UBR2: variants seen among roughly 807,000 people sequenced by gnomAD.
The protein encoded by UBR2 is E3 ubiquitin-protein ligase UBR2.
UBR2 carries 92 observed loss-of-function variants against 247.9 expected under a neutral mutation model. The observed-to-expected ratio is 0.37, with a 90% CI of 0.31 to 0.44. UBR2 has a LOEUF of 0.44. Among genes scored for constraint, UBR2 ranks in the 20% least tolerant of loss-of-function variants. The pLI is 1.00. For missense variants in UBR2, 1,613 were observed against 2,112.6 expected, an observed-to-expected ratio of 0.76 and a Z score of 4.64; for synonymous variants, 672 against 693.5, an observed-to-expected ratio of 0.97 and a Z score of 0.49.
intron 40 of UBR2, among the ~76,000 whole-genome samples, chr6:42,677,127 C>T (rs1271122560): frequency 6.6e-6 from 1 of 152,176 alleles, no homozygotes; most frequent in African/African-American, 2.4e-5. Context: ...GCTCAGGGAT[C>T]TGGCAGAGAC....
At chr6:42,586,780 C>T (rs1441849250) in intron 2 of UBR2, among the ~76,000 whole-genome samples, 1 of 149,762 alleles carries the variant, frequency 6.7e-6, no homozygotes, top group Non-Finnish European at 1.5e-5. Flanking sequence ...ATTTATTCCT[C>T]TCATCTTTTC....
intron 8 of UBR2, among the ~76,000 whole-genome samples, chr6:42,613,401 C>T (rs1361007352): frequency 2.0e-5 from 3 of 152,194 alleles, no homozygotes; most frequent in East Asian, 1.9e-4. Flanking sequence ...ATTAAGAGAA[C>T]GCGTTTACTT....
rs146809713 is a variant in UBR2 at position 42,590,110 on chromosome 6, T to A, written c.339-2041T>A. Among the ~76,000 whole-genome samples the A allele has an allele frequency of 7.8e-3, 1,186 of 152,298 alleles. 13 individuals carry two copies. The highest frequency in any genetic ancestry group is 0.028 in the African/African-American group (1,150 of 41,560). On this transcript the variant is annotated intron_variant, in intron 2 of 46. Transcript: ENST00000372901. Reference sequence around the variant, plus strand: ...TATAATTGAGTAACTAATTAGTACATGTATTAATATTATGTTAAAATAATA... The same window carrying A: ...TATAATTGAGTAACTAATTAGTACAAGTATTAATATTATGTTAAAATAATA...
At chr6:42,622,450 G>A (rs1359825955) in intron 11 of UBR2, among the ~76,000 whole-genome samples, 1 of 148,758 alleles carries the variant, frequency 6.7e-6, no homozygotes, top group Non-Finnish European at 1.5e-5. Flanking sequence ...TCCCCACGCT[G>A]GAGTGCAGTG....
intron 15 of UBR2, among the ~76,000 whole-genome samples, chr6:42,637,449 AG>A (rs1796166517): frequency 6.6e-6 from 1 of 152,212 alleles, no homozygotes; most frequent in Admixed American, 6.5e-5. Context: ...ATTATGAGGA[AG>A]TTTGGCACCA....
At chr6:42,566,960 G>C (rs922898226) in intron 1 of UBR2, among the ~76,000 whole-genome samples, 2 of 151,998 alleles carry the variant, frequency 1.3e-5, no homozygotes, top group South Asian at 4.2e-4. Flanking sequence ...ATTTAAAACT[G>C]TTTTTTTCAG....
At position 42,615,155 on chromosome 6, in the gene UBR2, T is replaced by C; in HGVS notation, c.1070T>C (p.Leu357Pro). The C allele has an allele frequency of 6.2e-7, 1 of 1,610,912 alleles. No homozygotes were observed. The highest frequency in any genetic ancestry group is 8.5e-7 in the Non-Finnish European group (1 of 1,178,568). Residue 357 changes from leucine (L) to proline (P), a missense_variant, in exon 9 of 47, where the codon CTT becomes CCT. Physicochemically the swap from Leu to Pro is moderately conservative, Grantham distance 98 (BLOSUM62 -3). Coordinates refer to ENST00000372901, the MANE Select transcript of UBR2 (RefSeq NM_001363705.2). ...TCTTCTCTAGTGGACAGACTGATGCTTAGTGATTCCAAATTATGGAAAGGT... is the reference window on the plus strand; with the variant it reads ...TCTTCTCTAGTGGACAGACTGATGCCTAGTGATTCCAAATTATGGAAAGGT... The part of the protein sequence containing the change: ...ENSSLVDRLM[L>P]SDSKLWKGAR...
chr6:42,578,972 A>AAC lies in UBR2; in HGVS notation c.338+5005_338+5006dup, dbSNP rs35575176. ...TCCATCTCAAAAACACACACACACA[A>AAC]ACACACACACACACACACACACACA... On this transcript the variant is annotated intron_variant, in intron 2 of 46. Coordinates refer to ENST00000372901, the MANE Select transcript of UBR2 (RefSeq NM_001363705.2). Among the ~76,000 whole-genome samples, 1,163 of 148,924 alleles carry AAC rather than the reference A, an allele frequency of 7.8e-3. 14 individuals carry two copies. Among genetic ancestry groups the AAC allele is most frequent in the Middle Eastern group, 0.017 (5 of 288 alleles).
At chr6:42,618,397 A>G (rs1307342780) in intron 11 of UBR2, among the ~76,000 whole-genome samples, 1 of 152,250 alleles carries the variant, frequency 6.6e-6, no homozygotes, top group African/African-American at 2.4e-5. Context: ...GTGAAATTGT[A>G]TAGGTTTAAG....
At chr6:42,687,528 T>TTTTTTTTA (rs1799513846) in intron 44 of UBR2, among the ~76,000 whole-genome samples, 2 of 149,130 alleles carry the variant, frequency 1.3e-5, no homozygotes, top group Non-Finnish European at 3.0e-5. Context: ...TTGTATTTTA[T>TTTTTTTTA]TTTATTTATT....
At chr6:42,690,789 C>T (rs1799714113) in intron 46 of UBR2, among the ~76,000 whole-genome samples, 1 of 152,162 alleles carries the variant, frequency 6.6e-6, no homozygotes. Context: ...CCTCACCTCA[C>T]TCTGGGTAAG....
intron 34 of UBR2, among the ~76,000 whole-genome samples, chr6:42,669,782 C>A (rs1798324902): frequency 6.6e-6 from 1 of 152,144 alleles, no homozygotes; most frequent in Non-Finnish European, 1.5e-5. Context: ...AAAAACTAAT[C>A]TCTGTGGAAG....
Position 42,662,190 on chromosome 6 carries a change from A to G in UBR2, c.3449A>G (p.Tyr1150Cys). The change falls in exon 31 of 47, where the codon TAT becomes TGT. Residue 1150 changes from tyrosine to cysteine, a missense_variant. By Grantham distance (194) the Tyr-to-Cys change is radical. Around this residue, in one of 3 missense-constraint regions of UBR2, gnomAD observed 1,524 missense variants for 1,967.3 expected, o/e 0.77. Transcript: ENST00000372901. ...RSKFIQDPEKYDPLFMHPDLS... is the reference protein window; with the variant it reads ...RSKFIQDPEKCDPLFMHPDLS... ...GTTTTGTTTTGTAATGCAGAAAAAT[A>G]TGATCCATTATTCATGCACCCTGAT... The G allele has an allele frequency of 6.3e-7, 1 of 1,598,800 alleles. No homozygotes were observed.
rs1200132701 is a variant in UBR2, at chr6:42,619,429, ATATATATATATATATATATATATATT to A, written c.1281+1924_1281+1949del. 21 of 15,334 alleles carry A rather than the reference ATATATATATATATATATATATATATT, an allele frequency of 1.4e-3. 5 individuals are homozygous for A. The highest frequency in any genetic ancestry group is 1.6e-3 in the Non-Finnish European group (13 of 8,360). 0.9% of individuals were successfully genotyped at this position (15,334 alleles called of 1,614,324 possible). On this transcript the variant is annotated intron_variant, in intron 11 of 46. Transcript: ENST00000372901. ...GTTATGAACATATATATATATATAT[ATATATATATATATATATATATATATT>A]TTTTTTTTTTAGTTCTCTATCTCTG...
At chr6:42,627,140 T>C (rs913917987) in intron 11 of UBR2, among the ~76,000 whole-genome samples, 4 of 152,078 alleles carry the variant, frequency 2.6e-5, no homozygotes, top group Non-Finnish European at 5.9e-5. Context: ...TGCTGATTGG[T>C]TGGGTCCAGG....
intron 42 of UBR2, among the ~76,000 whole-genome samples, chr6:42,680,734 G>A (rs73424466): frequency 0.015 from 2,251 of 152,224 alleles, 42 homozygotes; most frequent in African/African-American, 0.052. Flanking sequence ...TCCACAAAAC[G>A]GGGGAAAATA....
intron 39 of UBR2, among the ~76,000 whole-genome samples, 154 bp from the exon 40 acceptor site, chr6:42,676,629 G>A (rs753001454): frequency 6.6e-6 from 1 of 152,166 alleles, no homozygotes; most frequent in African/African-American, 2.4e-5. Flanking sequence ...TCAATACTGT[G>A]CTCCCACTTG....
At position 42,663,402 on chromosome 6, in the gene UBR2, A is replaced by C; in HGVS notation, c.3681A>C (p.Pro1227=). 1.2e-6 allele frequency: 2 copies of C among 1,607,736 alleles called. No homozygotes were observed. Among genetic ancestry groups the C allele is most frequent in the African/African-American group, 1.3e-5 (1 of 74,572 alleles). ...SNTVIPLLLP[P]RNIFNNRLNF... ...CTGTTATTCCTCTGCTGCTTCCTCC[A>C]AGAAATATTTTTAACAAGTAAGTTT... Residue 1227 remains proline, a synonymous_variant, in exon 32 of 47, where the codon CCA becomes CCC. Coordinates refer to ENST00000372901, the MANE Select transcript of UBR2 (RefSeq NM_001363705.2).
Position 42,691,398 on chromosome 6 carries a change from G to A in UBR2, c.*225G>A, listed in dbSNP as rs973699725. On this transcript the variant is annotated 3_prime_UTR_variant, in exon 47 of 47. Coordinates refer to ENST00000372901, the MANE Select transcript of UBR2 (RefSeq NM_001363705.2). ...ATATAATGTCTTGGGTTTTAAGATC[G>A]AGCAAGGAGCTTCTCTTCCTAGATT... is the stretch of plus-strand genomic sequence containing the variant. 5 of 558,854 alleles carry A rather than the reference G, an allele frequency of 8.9e-6. No homozygotes were observed. The highest frequency in any genetic ancestry group is 1.5e-5 in the Non-Finnish European group (5 of 325,264). 34.6% of individuals were successfully genotyped at this position (558,854 alleles called of 1,614,324 possible).
Sources: gnomAD v4.1 joint callset for allele counts (sites outside exome capture counted in the v4.1 genomes callset) on GRCh38, gnomAD v4.1.1 for gene constraint, gnomAD v4.1.1 regional missense constraint, MANE v1.5 for transcripts, NCBI Gene and HGNC (gene_info 2026-07-23, HGNC 2026-07-21) for gene names.